SP6: variants seen among roughly 807,000 people sequenced by gnomAD.
The protein encoded by SP6 is Sp6 transcription factor.
Under a neutral mutation model 23.4 loss-of-function variants are expected in SP6, and 10 were observed. That is an observed-to-expected ratio of 0.43 (90% CI 0.26 to 0.72). The LOEUF is 0.72. Among genes scored for constraint, SP6 ranks in the 30% least tolerant of loss-of-function variants. SP6 has a pLI of 0.23. For synonymous variants in SP6, 238 were observed against 238.7 expected (o/e 1.00, Z 0.03); for missense variants, 482 against 523.8 (o/e 0.92, Z 0.78).
rs2143648209 is a variant in SP6, at chr17:47,847,783, C to T, written c.647G>A (p.Arg216Gln). 2 of 1,545,830 alleles carry T rather than the reference C, an allele frequency of 1.3e-6. No individual in the cohort carries two copies. The highest frequency in any genetic ancestry group is 2.3e-5 in the East Asian group (1 of 44,280). Reference sequence around the variant, plus strand: ...GCCTGAGCTGCGGGGCACCGACCGCCGGGAGCCTTTGGGACGCGCCGCCCC... The same window carrying T: ...GCCTGAGCTGCGGGGCACCGACCGCTGGGAGCCTTTGGGACGCGCCGCCCC... ...LDGAARPKGS[R>Q]RSVPRSSGQT... The change falls in exon 2 of 2, where the codon CGG (arginine) becomes CAG (glutamine). Residue 216 changes from arginine (R) to glutamine (Q), a missense_variant. By Grantham distance (43) the Arg-to-Gln change is conservative (BLOSUM62 1). Around this residue, in one of 3 missense-constraint regions of SP6, gnomAD observed 330 missense variants for 332.3 expected, o/e 0.99. Transcript: ENST00000536300.
the SP6 span, among the ~76,000 whole-genome samples, chr17:47,868,503 C>T: frequency 2.6e-5 from 4 of 152,196 alleles, no homozygotes; most frequent in South Asian, 2.1e-4. Context: ...CGTGGGCAGC[C>T]AACCCAGAGC....
Position 47,844,997 on chromosome 17 carries a change from G to GA in SP6, c.*2301dup, listed in dbSNP as rs1324241112. On this transcript the variant is annotated 3_prime_UTR_variant, in exon 2 of 2. Transcript: ENST00000536300. The stretch of plus-strand genomic sequence containing the variant: ...TCAAAGTGAGTTCACAGCAGTTAAA[G>GA]AAAAAATAAATTCCTACATTTTTCC... The GA allele has an allele frequency of 6.6e-6, 1 of 152,554 alleles. No individual in the cohort carries two copies. The highest frequency in any genetic ancestry group is 2.4e-5 in the African/African-American group (1 of 41,424). The allele number at this position is 152,554 out of a possible 1,614,324, so 9.5% of individuals were successfully genotyped here. A position where few individuals can be genotyped will look rare whatever the true frequency, so the allele number is the denominator to read the frequency against.
upstream of SP6, among the ~76,000 whole-genome samples, chr17:47,852,590 T>TC (rs955931999): frequency 1.1e-4 from 16 of 150,220 alleles, no homozygotes; most frequent in East Asian, 2.0e-4. Context: ...CAGCCCCTAC[T>TC]CCCCCCCGCC....
chr17:47,850,902 C>A lies in SP6; in HGVS notation c.-58+17G>T, dbSNP rs2033947469. The A allele has an allele frequency of 6.6e-6, 1 of 152,370 alleles. No individual in the cohort carries two copies. The highest frequency in any genetic ancestry group is 1.5e-5 in the Non-Finnish European group (1 of 68,148). 9.4% of individuals were successfully genotyped at this position (152,370 alleles called of 1,614,324 possible). Reference sequence around the variant, plus strand: ...TCCGTAGCGCTCACCCCTGGCCACCCCGACCCGCGCTCCTACCTCGAGGCT... The same window carrying A: ...TCCGTAGCGCTCACCCCTGGCCACCACGACCCGCGCTCCTACCTCGAGGCT... On this transcript the variant is annotated intron_variant, in intron 1 of 1. Coordinates refer to ENST00000536300, the MANE Select transcript of SP6 (RefSeq NM_001258248.2).
chr17:47,868,852 C>T, the SP6 span, among the ~76,000 whole-genome samples: 1 of 152,182 alleles, frequency 6.6e-6, no homozygotes, highest in Non-Finnish European at 1.5e-5. Flanking sequence ...GCTCCAGTGC[C>T]CTCTTCTCCG....
Position 47,845,387 on chromosome 17 carries a change from G to T in SP6, c.*1912C>A, listed in dbSNP as rs1361559574. 6.6e-6 allele frequency: 1 copy of T among 152,234 alleles called. No individual in the cohort carries two copies. The highest frequency in any genetic ancestry group is 1.5e-5 in the Non-Finnish European group (1 of 68,040). 9.4% of individuals were successfully genotyped at this position (152,234 alleles called of 1,614,324 possible). On this transcript the variant is annotated 3_prime_UTR_variant, in exon 2 of 2. Coordinates refer to ENST00000536300, the MANE Select transcript of SP6 (RefSeq NM_001258248.2). The stretch of plus-strand genomic sequence containing the variant: ...AGCAAGGAAGGGGATCTCTGGTTGG[G>T]TTAGCAGGAGGTAGGGAAAAGAGAA...
the SP6 span, among the ~76,000 whole-genome samples, chr17:47,871,454 AAGT>A: frequency 6.6e-6 from 1 of 152,272 alleles, no homozygotes; most frequent in East Asian, 1.9e-4. Flanking sequence ...TAAGAATGAG[AAGT>A]TTGCTTTCTG....
chr17:47,873,844 T>TTTCCTCCTCCCCCTCCTCTTCTTC, the SP6 span, among the ~76,000 whole-genome samples: 1 of 138,112 alleles, frequency 7.2e-6, no homozygotes, highest in Admixed American at 7.2e-5. Context: ...TCCTTCTTGC[T>TTTCCTCCTCCCCCTCCTCTTCTTC]TTCCTCCTCC....
the SP6 span, among the ~76,000 whole-genome samples, chr17:47,861,264 C>T: frequency 8.5e-4 from 129 of 152,290 alleles, no homozygotes; most frequent in Non-Finnish European, 1.3e-3. Flanking sequence ...GAGGCTGCCC[C>T]TCTGGCCGGG....
In SP6 at chr17:47,847,646, C is replaced by T. The variant is rs964114239; in HGVS notation, c.784G>A (p.Gly262Arg). 1 of 1,612,966 alleles carries T rather than the reference C, an allele frequency of 6.2e-7. No individual in the cohort carries two copies. The highest frequency in any genetic ancestry group is 1.3e-5 in the African/African-American group (1 of 74,944). Residue 262 changes from glycine (G) to arginine (R), a missense_variant, in exon 2 of 2, where the codon GGG becomes AGG. Physicochemically the swap from Gly to Arg is moderately radical, Grantham distance 125. Transcript: ENST00000536300. The part of the protein sequence containing the change: ...HLHNCHIPGC[G>R]KAYAKTSHLK... ...TGCGACGTCTTGGCGTAGGCTTTCC[C>T]GCAGCCCGGGATGTGGCAGTTGTGC...
At chr17:47,868,814 G>A in the SP6 span, among the ~76,000 whole-genome samples, 35,174 of 152,050 alleles carry the variant, frequency 0.23, 4,414 homozygotes, top group Non-Finnish European at 0.27. Context: ...GGGCTTGGGA[G>A]CGGGATGGGG....
rs912185523 is a variant in SP6, at chr17:47,845,598, TG to T, written c.*1700del. Reference sequence around the variant, plus strand: ...CCAGCATCTACAAAGGAGGAAGAGATGCTGGGCCCAGATCCCAGGATCTTGG... The same window carrying T: ...CCAGCATCTACAAAGGAGGAAGAGATCTGGGCCCAGATCCCAGGATCTTGG... On this transcript the variant is annotated 3_prime_UTR_variant, in exon 2 of 2. Coordinates refer to ENST00000536300, the MANE Select transcript of SP6 (RefSeq NM_001258248.2). The T allele has an allele frequency of 6.6e-6, 1 of 152,394 alleles. No homozygotes were observed. Among genetic ancestry groups the T allele is most frequent in the Non-Finnish European group, 1.5e-5 (1 of 67,986 alleles). The allele number at this position is 152,394 out of a possible 1,614,324, so 9.4% of individuals were successfully genotyped here. A position where few individuals can be genotyped will look rare whatever the true frequency, so the allele number is the denominator to read the frequency against.
chr17:47,848,380 G>A lies in SP6; in HGVS notation c.50C>T (p.Pro17Leu). Reference protein sequence around the residue: ...GSLGSQHTEAPHASPPRLDLQ... With the variant: ...GSLGSQHTEALHASPPRLDLQ... ...GTCGAGGCGCGGCGGGGAGGCGTGC[G>A]GCGCTTCCGTGTGCTGGCTGCCCAG... is the stretch of plus-strand genomic sequence containing the variant. The change falls in exon 2 of 2, where the codon CCG becomes CTG. Residue 17 changes from proline (P) to leucine (L), a missense_variant. This residue lies in a region of SP6 where 330 missense variants were observed against 332.3 expected (regional missense o/e 0.99). Coordinates refer to ENST00000536300, the MANE Select transcript of SP6 (RefSeq NM_001258248.2). The surrounding 1 kb of genome is among the most constrained non-coding windows in gnomAD (Gnocchi z 5.3). 1 of 1,560,940 alleles carries A rather than the reference G, an allele frequency of 6.4e-7. No homozygotes were observed. The highest frequency in any genetic ancestry group is 1.4e-5 in the African/African-American group (1 of 73,466).
At chr17:47,868,393 G>A in the SP6 span, among the ~76,000 whole-genome samples, 1 of 152,216 alleles carries the variant, frequency 6.6e-6, no homozygotes, top group Non-Finnish European at 1.5e-5. Flanking sequence ...TCGAAGTGCT[G>A]GAAGAGGAAA....
chr17:47,867,019 C>T, the SP6 span, among the ~76,000 whole-genome samples: 3 of 152,226 alleles, frequency 2.0e-5, no homozygotes, highest in African/African-American at 7.2e-5. Context: ...GGGAATGGGC[C>T]GGGCTGGCAG....
upstream of SP6, among the ~76,000 whole-genome samples, chr17:47,858,315 C>T (rs986616154): frequency 6.6e-6 from 1 of 152,106 alleles, no homozygotes; most frequent in African/African-American, 2.4e-5. Context: ...CTGCTTTCTG[C>T]TTTCCAAGCT....
chr17:47,848,379 C>T lies in SP6; in HGVS notation c.51G>A (p.Pro17=). The change falls in exon 2 of 2, where the codon CCG becomes CCA. Residue 17 remains proline, a synonymous_variant. Coordinates refer to ENST00000536300, the MANE Select transcript of SP6 (RefSeq NM_001258248.2). The surrounding 1 kb of genome is among the most constrained non-coding windows in gnomAD (Gnocchi z 5.3). ...GSLGSQHTEA[P]HASPPRLDLQ... The stretch of plus-strand genomic sequence containing the variant: ...GGTCGAGGCGCGGCGGGGAGGCGTG[C>T]GGCGCTTCCGTGTGCTGGCTGCCCA... 6.4e-7 allele frequency: 1 copy of T among 1,559,936 alleles called. No individual in the cohort carries two copies. Among genetic ancestry groups the T allele is most frequent in the Non-Finnish European group, 8.7e-7 (1 of 1,153,462 alleles).
chr17:47,851,791 T>C (rs906769143), upstream of SP6, among the ~76,000 whole-genome samples: 1 of 149,756 alleles, frequency 6.7e-6, no homozygotes, highest in Non-Finnish European at 1.5e-5. Flanking sequence ...CGTCCTTTTT[T>C]CCCTCTCCCT....
upstream of SP6, among the ~76,000 whole-genome samples, chr17:47,859,089 T>A (rs1275557396): frequency 1.3e-5 from 2 of 152,110 alleles, no homozygotes; most frequent in African/African-American, 4.8e-5. Flanking sequence ...CATCCTAAAG[T>A]GCCACTCCAT....
Sources: allele counts gnomAD v4.1 joint callset (sites outside exome capture counted in the v4.1 genomes callset), GRCh38; gene constraint gnomAD v4.1.1; regional missense constraint gnomAD v4.1.1; non-coding constraint Gnocchi (gnomAD v3.1); transcripts MANE v1.5; gene names NCBI Gene and HGNC (gene_info 2026-07-23, HGNC 2026-07-21).